The following DCPS variants were observed in gnomAD, a reference collection of about 807,000 sequenced individuals.
DCPS encodes m7GpppX diphosphatase.
A neutral mutation model predicts 34.7 loss-of-function variants in DCPS; 27 were observed. That is an observed-to-expected ratio of 0.78 (90% CI 0.57 to 1.07). The LOEUF (loss-of-function observed/expected upper bound fraction) is 1.07, where lower values mean the gene tolerates loss of function less well. DCPS is among the 50% of genes least tolerant of loss of function. The pLI, the probability that DCPS is intolerant of heterozygous loss-of-function variation, is 0.00. For missense variants in DCPS, 464 were observed against 436.9 expected (o/e 1.06, Z -0.55); for synonymous variants, 185 against 185.7 (o/e 1.00, Z 0.03).
In DCPS at chr11:126,345,566, G is replaced by A; in HGVS notation, c.967G>A (p.Ala323Thr). ...GCGCACGCTCACCTTCGCCCTCAGG[G>A]CTGACGACCCCCTGCTCAAGCTCTT... Reference protein sequence around the residue: ...QQRTLTFALRADDPLLKLLQE... With the variant: ...QQRTLTFALRTDDPLLKLLQE... The change falls in exon 6 of 6, where the codon GCT becomes ACT. Residue 323 changes from alanine to threonine, a missense_variant. Physicochemically the swap from Ala to Thr is moderately conservative, Grantham distance 58 (BLOSUM62 0). Transcript: ENST00000263579. This position sits in a 1 kb window ranked among gnomAD's most constrained non-coding sequence, Gnocchi z 7.4. 1 of 1,613,790 alleles carries A rather than the reference G, an allele frequency of 6.2e-7. No individual in the cohort carries two copies. The highest frequency in any genetic ancestry group is 8.5e-7 in the Non-Finnish European group (1 of 1,180,034).
chr11:126,334,006 G>A lies in DCPS; in HGVS notation c.522+2456G>A, dbSNP rs1234490501. Reference sequence around the variant, plus strand: ...CCGATTTGCAGAATTAATTGGTGGAGTGGGGGTGAGCATAGAACAGGAAGA... The same window carrying A: ...CCGATTTGCAGAATTAATTGGTGGAATGGGGGTGAGCATAGAACAGGAAGA... On this transcript the variant is annotated intron_variant, in intron 3 of 5. Transcript: ENST00000263579. The surrounding 1 kb of genome is among the most constrained non-coding windows in gnomAD (Gnocchi z 5.5). Among the ~76,000 whole-genome samples, 2 of 152,188 alleles carry A rather than the reference G, an allele frequency of 1.3e-5. No homozygotes were observed. The highest frequency in any genetic ancestry group is 2.9e-5 in the Non-Finnish European group (2 of 68,034).
rs781602614 is a variant in DCPS at position 126,304,096 on chromosome 11, C to T, written c.16C>T (p.Pro6Ser). The part of the protein sequence containing the change: MADAA[P>S]QLGKRKRELD... ...CCGCGGCAGCATGGCGGACGCAGCT[C>T]CTCAACTAGGCAAGAGGAAGCGCGA... The change falls in exon 1 of 6, where the codon CCT becomes TCT. Residue 6 changes from proline (P) to serine (S), a missense_variant. By Grantham distance (74) the Pro-to-Ser change is moderately conservative (BLOSUM62 -1). Transcript: ENST00000263579. 1.1e-5 allele frequency: 17 copies of T among 1,608,446 alleles called. 1 individual carries two copies. In the South Asian group the frequency reaches 1.3e-4, roughly 13 times the overall value.
At chr11:126,305,570 G>A (rs1951557340) in intron 1 of DCPS, among the ~76,000 whole-genome samples, 1 of 150,816 alleles carries the variant, frequency 6.6e-6, no homozygotes, top group African/African-American at 2.4e-5. Flanking sequence ...ACAGGCATCT[G>A]CCACCATGCC....
At position 126,322,176 on chromosome 11, in the gene DCPS, T is replaced by G. The variant is rs556247990; in HGVS notation, c.377-9229T>G. ...AGATCCAACCACACCATCAGGGCAT[T>G]GGAGACAGAAGAAAACAGGTCACAA... On this transcript the variant is annotated intron_variant, in intron 2 of 5. Transcript: ENST00000263579. This position sits in a 1 kb window ranked among gnomAD's most constrained non-coding sequence, Gnocchi z 4.2. Among the ~76,000 whole-genome samples, 12 of 152,314 alleles carry G rather than the reference T, an allele frequency of 7.9e-5. No individual in the cohort carries two copies. In the South Asian group the frequency reaches 2.5e-3, roughly 32 times the overall value.
In DCPS at chr11:126,329,657, A is replaced by G. The variant is rs1369805819; in HGVS notation, c.377-1748A>G. Among the ~76,000 whole-genome samples the G allele has an allele frequency of 6.6e-6, 1 of 152,146 alleles. No individual in the cohort carries two copies. Among genetic ancestry groups the G allele is most frequent in the African/African-American group, 2.4e-5 (1 of 41,430 alleles). On this transcript the variant is annotated intron_variant, in intron 2 of 5. Transcript: ENST00000263579. The surrounding 1 kb of genome is among the most constrained non-coding windows in gnomAD (Gnocchi z 5.0). ...GCAGGAGCACTGGCTTTAGGGTGAG[A>G]TGGCCTCAGTTCCAGGTTCGCCTCT...
Position 126,348,422 on chromosome 11 carries a change from C to T in DCPS, c.*2809C>T, listed in dbSNP as rs943510904. Among the ~76,000 whole-genome samples, 8 of 152,246 alleles carry T rather than the reference C, an allele frequency of 5.3e-5. No homozygotes were observed. The highest frequency in any genetic ancestry group is 2.1e-4 in the South Asian group (1 of 4,834). On this transcript the variant is annotated 3_prime_UTR_variant, in exon 6 of 6. Transcript: ENST00000263579. This position sits in a 1 kb window ranked among gnomAD's most constrained non-coding sequence, Gnocchi z 5.3. ...GGAAAGACAAGCCTCTGCTAGAGGC[C>T]TGGCAAGGGTTCCCCTTCAGAGCCA...
rs58091804 is a variant in DCPS, at chr11:126,324,629, C to CTTTT, written c.377-6753_377-6750dup. On this transcript the variant is annotated intron_variant, in intron 2 of 5. Coordinates refer to ENST00000263579, the MANE Select transcript of DCPS (RefSeq NM_014026.6). ...CACCATGCCTAGCTAATTTTTCTGC[C>CTTTT]TTTTTTTTTTTTTTTTTTTTTTTTT... Among the ~76,000 whole-genome samples, 130 of 99,940 alleles carry CTTTT rather than the reference C, an allele frequency of 1.3e-3. 13 individuals are homozygous for CTTTT. The highest frequency in any genetic ancestry group is 5.0e-3 in the African/African-American group (120 of 23,834). The allele number at this position is 99,940 out of a possible 152,430, so 65.6% of individuals were successfully genotyped here. A position where few individuals can be genotyped will look rare whatever the true frequency, so the allele number is the denominator to read the frequency against.
chr11:126,327,035 AGG>A lies in DCPS; in HGVS notation c.377-4368_377-4367del, dbSNP rs1339986993. On this transcript the variant is annotated intron_variant, in intron 2 of 5. Coordinates refer to ENST00000263579, the MANE Select transcript of DCPS (RefSeq NM_014026.6). The surrounding 1 kb of genome is among the most constrained non-coding windows in gnomAD (Gnocchi z 4.1). ...ATAATGATAACGATGGATATAAAAA[AGG>A]GTAAAATTATTAATTTCAGGAGATT... Among the ~76,000 whole-genome samples the A allele has an allele frequency of 6.6e-6, 1 of 152,252 alleles. No homozygotes were observed. Among genetic ancestry groups the A allele is most frequent in the East Asian group, 1.9e-4 (1 of 5,206 alleles).
rs1276996266 is a variant in DCPS, at chr11:126,304,275, C to T, written c.195C>T (p.His65=). The part of the protein sequence containing the change: ...ESARDKIIFL[H]GKVNEASGDG... ...CGCGGGACAAAATCATTTTCCTACACGGGAAGGTACCAGGAGGCAACCCTG... is the reference window on the plus strand; with the variant it reads ...CGCGGGACAAAATCATTTTCCTACATGGGAAGGTACCAGGAGGCAACCCTG... The change falls in exon 1 of 6, where the codon CAC becomes CAT. Residue 65 remains histidine (H), a synonymous_variant. Coordinates refer to ENST00000263579, the MANE Select transcript of DCPS (RefSeq NM_014026.6). The T allele has an allele frequency of 1.2e-6, 2 of 1,613,958 alleles. No homozygotes were observed. The highest frequency in any genetic ancestry group is 1.7e-6 in the Non-Finnish European group (2 of 1,180,018).
chr11:126,328,452 G>A lies in DCPS; in HGVS notation c.377-2953G>A, dbSNP rs147917388. Among the ~76,000 whole-genome samples the A allele has an allele frequency of 3.0e-3, 457 of 152,256 alleles. 2 individuals carry two copies. Among genetic ancestry groups the A allele is most frequent in the African/African-American group, 0.011 (439 of 41,552 alleles). On this transcript the variant is annotated intron_variant, in intron 2 of 5. Transcript: ENST00000263579. This position sits in a 1 kb window ranked among gnomAD's most constrained non-coding sequence, Gnocchi z 6.6. ...GCACCTCAGGAAAGGCAGGAGGATG[G>A]CAGGAAGTGAGCAGTTGGAAAATAA...
Position 126,348,318 on chromosome 11 carries a change from C to T in DCPS, c.*2705C>T, listed in dbSNP as rs1951956142. Among the ~76,000 whole-genome samples the T allele has an allele frequency of 6.6e-6, 1 of 152,312 alleles. No homozygotes were observed. The highest frequency in any genetic ancestry group is 2.4e-5 in the African/African-American group (1 of 41,572). Reference sequence around the variant, plus strand: ...TCTGGGATAGCGTCCCCTCACTCCTCTCCCAGCCTCGTTTATCTTCACCAC... The same window carrying T: ...TCTGGGATAGCGTCCCCTCACTCCTTTCCCAGCCTCGTTTATCTTCACCAC... On this transcript the variant is annotated 3_prime_UTR_variant, in exon 6 of 6. Transcript: ENST00000263579. This position sits in a 1 kb window ranked among gnomAD's most constrained non-coding sequence, Gnocchi z 5.3.
Position 126,345,709 on chromosome 11 carries a change from A to T in DCPS, c.*96A>T. The stretch of plus-strand genomic sequence containing the variant: ...AGTGAATTTTCTAAAAATGTATTTT[A>T]TACCGGCTTATTCCTAGTATTGAAT... On this transcript the variant is annotated 3_prime_UTR_variant, in exon 6 of 6. Transcript: ENST00000263579. The surrounding 1 kb of genome is among the most constrained non-coding windows in gnomAD (Gnocchi z 7.4). The T allele has an allele frequency of 6.6e-7, 1 of 1,524,402 alleles. No individual in the cohort carries two copies. The highest frequency in any genetic ancestry group is 8.8e-7 in the Non-Finnish European group (1 of 1,135,140). The allele number at this position is 1,524,402 out of a possible 1,614,324, so 94.4% of individuals were successfully genotyped here.
At chr11:126,311,269 A>C (rs1951616743) in intron 2 of DCPS, among the ~76,000 whole-genome samples, 1 of 152,248 alleles carries the variant, frequency 6.6e-6, no homozygotes, top group South Asian at 2.1e-4. Flanking sequence ...AGTGCTGAGA[A>C]CAAGCCTCAC....
rs1211719456 is a variant in DCPS at position 126,334,665 on chromosome 11, C to T, written c.522+3115C>T. 2.0e-5 allele frequency among the ~76,000 whole-genome samples: 3 copies of T among 152,118 alleles called. No homozygotes were observed. Among genetic ancestry groups the T allele is most frequent in the African/African-American group, 4.8e-5 (2 of 41,430 alleles). On this transcript the variant is annotated intron_variant, in intron 3 of 5. Transcript: ENST00000263579. The surrounding 1 kb of genome is among the most constrained non-coding windows in gnomAD (Gnocchi z 5.5). ...AGCCTCACACCTCATTTATTCTTCA[C>T]AGCAGCCCTTTTGGAGACAGGTCTC...
chr11:126,343,705 C>T (rs1379204959), intron 5 of DCPS, among the ~76,000 whole-genome samples: 1 of 152,140 alleles, frequency 6.6e-6, no homozygotes, highest in African/African-American at 2.4e-5. Flanking sequence ...CTGGCCCCTC[C>T]TACTCCAGGA....
Position 126,349,427 on chromosome 11 carries a change from G to A in DCPS, c.*3814G>A, listed in dbSNP as rs1951970074. ...GCTTGGTTGGAGAAGGAAAGAAGCAGTTGGAGGCATGACTGCTATTGTTCC... is the reference window on the plus strand; with the variant it reads ...GCTTGGTTGGAGAAGGAAAGAAGCAATTGGAGGCATGACTGCTATTGTTCC... On this transcript the variant is annotated 3_prime_UTR_variant, in exon 6 of 6. Coordinates refer to ENST00000263579, the MANE Select transcript of DCPS (RefSeq NM_014026.6). The surrounding 1 kb of genome is among the most constrained non-coding windows in gnomAD (Gnocchi z 5.4). 6.6e-6 allele frequency among the ~76,000 whole-genome samples: 1 copy of A among 152,222 alleles called. No homozygotes were observed. The highest frequency in any genetic ancestry group is 1.5e-5 in the Non-Finnish European group (1 of 68,038).
rs924134031 is a variant in DCPS, at chr11:126,328,417, C to T, written c.377-2988C>T. On this transcript the variant is annotated intron_variant, in intron 2 of 5. Transcript: ENST00000263579. This position sits in a 1 kb window ranked among gnomAD's most constrained non-coding sequence, Gnocchi z 6.6. Reference sequence around the variant, plus strand: ...GAGAGTCCTGCAGTCAGGTTCCCATCCCTGCAGGTGCACCTCAGGAAAGGC... The same window carrying T: ...GAGAGTCCTGCAGTCAGGTTCCCATTCCTGCAGGTGCACCTCAGGAAAGGC... Among the ~76,000 whole-genome samples, 20 of 152,070 alleles carry T rather than the reference C, an allele frequency of 1.3e-4. No homozygotes were observed. Among genetic ancestry groups the T allele is most frequent in the African/African-American group, 4.6e-4 (19 of 41,398 alleles).
intron 2 of DCPS, among the ~76,000 whole-genome samples, chr11:126,309,686 G>A (rs1284446737): frequency 6.6e-6 from 1 of 152,160 alleles, no homozygotes; most frequent in Non-Finnish European, 1.5e-5. Context: ...ACTAGGGATG[G>A]GGATTTGGAA....
At position 126,327,538 on chromosome 11, in the gene DCPS, C is replaced by T. The variant is rs977198564; in HGVS notation, c.377-3867C>T. Among the ~76,000 whole-genome samples, 1 of 152,212 alleles carries T rather than the reference C, an allele frequency of 6.6e-6. No individual in the cohort carries two copies. The highest frequency in any genetic ancestry group is 2.4e-5 in the African/African-American group (1 of 41,448). On this transcript the variant is annotated intron_variant, in intron 2 of 5. Coordinates refer to ENST00000263579, the MANE Select transcript of DCPS (RefSeq NM_014026.6). The surrounding 1 kb of genome is among the most constrained non-coding windows in gnomAD (Gnocchi z 4.1). Reference sequence around the variant, plus strand: ...TGTATCGTGTTTCCCAACGTGTTTTCACCTGATGGTTTGATTGTTTATTGA... The same window carrying T: ...TGTATCGTGTTTCCCAACGTGTTTTTACCTGATGGTTTGATTGTTTATTGA...
Sources: gnomAD v4.1 joint callset for allele counts (sites outside exome capture counted in the v4.1 genomes callset) on GRCh38, gnomAD v4.1.1 for gene constraint, Gnocchi (gnomAD v3.1) non-coding constraint, MANE v1.5 for transcripts, NCBI Gene and HGNC (gene_info 2026-07-23, HGNC 2026-07-21) for gene names.